Variants in PARD3 observed in about 807,000 individuals in gnomAD.
The protein encoded by PARD3 is par-3 family cell polarity regulator.
PARD3 carries 75 observed loss-of-function variants against 155.4 expected under a neutral mutation model. The observed-to-expected ratio is 0.48, with a 90% CI of 0.40 to 0.58. The LOEUF is 0.58. PARD3 is among the 20% of genes least tolerant of loss of function. The probability of loss-of-function intolerance (pLI) is 0.00; values close to 1 mark genes in which losing one functional copy is unlikely to be tolerated. For missense variants in PARD3, 1,642 were observed against 1,721.7 expected (o/e 0.95, Z 0.82); for synonymous variants, 576 against 610.5 (o/e 0.94, Z 0.83).
At chr10:34,787,754 G>A (rs1223842412) in intron 1 of PARD3, among the ~76,000 whole-genome samples, 2 of 151,204 alleles carry the variant, frequency 1.3e-5, no homozygotes, top group African/African-American at 4.9e-5. Flanking sequence ...AAGGCACACA[G>A]CAAATGGGCA....
intron 2 of PARD3, among the ~76,000 whole-genome samples, chr10:34,565,240 T>C (rs1019204057): frequency 2.0e-4 from 22 of 112,754 alleles, no homozygotes; most frequent in Admixed American, 1.6e-3. Context: ...GATGGTCAGA[T>C]AAAAGACAAA....
chr10:34,345,802 T>C (rs948231631), intron 15 of PARD3: 25 of 985,350 alleles, frequency 2.5e-5, no homozygotes, highest in Non-Finnish European at 3.0e-5. Context: ...GATTTCTAAC[T>C]TTAAGTGGTA....
intron 1 of PARD3, among the ~76,000 whole-genome samples, chr10:34,746,239 T>A (rs1198464530): frequency 6.6e-6 from 1 of 151,812 alleles, no homozygotes; most frequent in Non-Finnish European, 1.5e-5. Context: ...GGCCAGGAGT[T>A]CAGGAACAGC....
At chr10:34,587,829 G>A (rs899435689) in intron 2 of PARD3, among the ~76,000 whole-genome samples, 11 of 152,092 alleles carry the variant, frequency 7.2e-5, no homozygotes, top group East Asian at 1.9e-4. Context: ...AAATCATTGC[G>A]GATAAGTGCC....
At position 34,190,108 on chromosome 10, in the gene PARD3, C is replaced by T. The variant is rs570262259; in HGVS notation, c.3420-58525G>A. ...CTATTGGAGGTGCAAGAGAGATGAG[C>T]GGTTTTAAGGTAGCTGTAAGAAAAG... On this transcript the variant is annotated intron_variant, in intron 22 of 24. Coordinates refer to ENST00000374788, the MANE Select transcript of PARD3 (RefSeq NM_001184785.2). 4.6e-5 allele frequency among the ~76,000 whole-genome samples: 7 copies of T among 152,226 alleles called. No individual in the cohort carries two copies. In the East Asian group the frequency reaches 7.7e-4, roughly 17 times the overall value.
intron 19 of PARD3, among the ~76,000 whole-genome samples, chr10:34,330,228 T>G (rs933014690): frequency 2.0e-5 from 3 of 152,186 alleles, no homozygotes; most frequent in Non-Finnish European, 4.4e-5. Context: ...CCTAAGCCCT[T>G]TTGCTTCTTA....
At position 34,738,321 on chromosome 10, in the gene PARD3, C is replaced by G. The variant is rs1333439572; in HGVS notation, c.121-41902G>C. ...AAAGCTGGTACTAGATCCATCTACT[C>G]AGACAGGAAGAATCCCATTTTCGTT... On this transcript the variant is annotated intron_variant, in intron 1 of 24. Transcript: ENST00000374788. 2.0e-5 allele frequency among the ~76,000 whole-genome samples: 3 copies of G among 152,206 alleles called. No homozygotes were observed. In the East Asian group the frequency reaches 5.8e-4, roughly 29 times the overall value.
intron 2 of PARD3, among the ~76,000 whole-genome samples, chr10:34,612,401 T>C (rs2090976404): frequency 6.6e-6 from 1 of 152,200 alleles, no homozygotes; most frequent in South Asian, 2.1e-4. Flanking sequence ...ACCATTTTGT[T>C]TTTAAAGCCT....
chr10:34,804,373 A>G (rs1843127717), intron 1 of PARD3, among the ~76,000 whole-genome samples: 1 of 152,176 alleles, frequency 6.6e-6, no homozygotes, highest in Admixed American at 6.6e-5. Flanking sequence ...TTTTTTTTCC[A>G]GATCTCTAAC....
intron 2 of PARD3, among the ~76,000 whole-genome samples, chr10:34,575,825 G>A (rs1214179966): frequency 1.3e-5 from 2 of 152,128 alleles, no homozygotes; most frequent in African/African-American, 4.8e-5. Flanking sequence ...GAACCTGGAA[G>A]GTAGAGGTTG....
At chr10:34,660,039 C>G (rs1564472092) in intron 2 of PARD3, among the ~76,000 whole-genome samples, 1 of 152,176 alleles carries the variant, frequency 6.6e-6, no homozygotes, top group Non-Finnish European at 1.5e-5. Flanking sequence ...TTGTGGAAGG[C>G]AGAAAACATA....
chr10:34,269,697 C>T lies in PARD3; in HGVS notation c.3379G>A (p.Val1127Ile). The change falls in exon 22 of 25, where the codon GTC becomes ATC. Residue 1127 changes from valine (V) to isoleucine (I), a missense_variant. This residue lies in a region of PARD3 where 1,529 missense variants were observed against 1,587.3 expected (regional missense o/e 0.96). Coordinates refer to ENST00000374788, the MANE Select transcript of PARD3 (RefSeq NM_001184785.2). ...GHMMDALYAQVKKPRNSKPSP... is the reference protein window; with the variant it reads ...GHMMDALYAQIKKPRNSKPSP... Reference sequence around the variant, plus strand: ...GGTTTGGAATTCCGCGGCTTCTTGACTTGGGCATACAAAGCATCCATCATA... The same window carrying T: ...GGTTTGGAATTCCGCGGCTTCTTGATTTGGGCATACAAAGCATCCATCATA... 6.2e-7 allele frequency: 1 copy of T among 1,613,934 alleles called. No individual in the cohort carries two copies. The highest frequency in any genetic ancestry group is 2.2e-5 in the East Asian group (1 of 44,886).
At position 34,386,294 on chromosome 10, in the gene PARD3, C is replaced by T. The variant is rs2132037662; in HGVS notation, c.891-2040G>A. On this transcript the variant is annotated intron_variant, in intron 7 of 24. Coordinates refer to ENST00000374788, the MANE Select transcript of PARD3 (RefSeq NM_001184785.2). ...TTTAGTTACTTATTATCATTTATTG[C>T]AGCTATATAAAGACATAAAATTATC... Among the ~76,000 whole-genome samples, 3 of 152,138 alleles carry T rather than the reference C, an allele frequency of 2.0e-5. No homozygotes were observed. In the South Asian group the frequency reaches 6.2e-4, roughly 32 times the overall value.
intron 3 of PARD3, among the ~76,000 whole-genome samples, chr10:34,512,929 G>A (rs887083338): frequency 5.9e-5 from 9 of 151,970 alleles, no homozygotes; most frequent in Non-Finnish European, 1.0e-4. Flanking sequence ...AACAGTTTCC[G>A]GGTCCTTGTC....
chr10:34,193,845 G>A (rs1004411148), intron 22 of PARD3, among the ~76,000 whole-genome samples: 1 of 152,142 alleles, frequency 6.6e-6, no homozygotes, highest in African/African-American at 2.4e-5. Context: ...CAGAGATGGA[G>A]GCTGTTGATA....
chr10:34,261,709 GAAGGAAGAAAGGAAGA>G (rs1383357208), intron 22 of PARD3, among the ~76,000 whole-genome samples: 21 of 29,490 alleles, frequency 7.1e-4, no homozygotes, highest in South Asian at 6.4e-3. Flanking sequence ...AGGAAGAAAG[GAAGGAAGAAAGGAAGA>G]AAGGAAGGAA....
At chr10:34,237,258 C>G (rs1372981776) in intron 22 of PARD3, among the ~76,000 whole-genome samples, 1 of 152,130 alleles carries the variant, frequency 6.6e-6, no homozygotes, top group Non-Finnish European at 1.5e-5. Context: ...TTTGTTTAAG[C>G]ACTACACTGC....
intron 23 of PARD3, among the ~76,000 whole-genome samples, chr10:34,125,880 C>T (rs964793152): frequency 2.0e-5 from 3 of 152,186 alleles, no homozygotes; most frequent in Admixed American, 1.3e-4. Context: ...ATCTATCAGT[C>T]GTCTCAGCCA....
intron 1 of PARD3, among the ~76,000 whole-genome samples, chr10:34,766,195 A>G (rs570644241): frequency 6.6e-6 from 1 of 152,320 alleles, no homozygotes; most frequent in African/African-American, 2.4e-5. Context: ...CCAATACTAA[A>G]TTATGTTTTA....
Sources: allele counts gnomAD v4.1 joint callset (sites outside exome capture counted in the v4.1 genomes callset), GRCh38; gene constraint gnomAD v4.1.1; regional missense constraint gnomAD v4.1.1; transcripts MANE v1.5; gene names NCBI Gene and HGNC (gene_info 2026-07-23, HGNC 2026-07-21).